The following IFT122 variants were observed in gnomAD, a reference collection of about 807,000 sequenced individuals.
The protein encoded by IFT122 is intraflagellar transport 122, also known as intraflagellar transport protein 122 homolog.
In IFT122, 118 loss-of-function variants were observed where a neutral mutation model predicts 161.6. The ratio of observed to expected loss-of-function variants is 0.73; its 90% CI spans 0.63 to 0.85. The LOEUF (loss-of-function observed/expected upper bound fraction) is 0.85. Among genes scored for constraint, IFT122 ranks in the 40% least tolerant of loss-of-function variants. IFT122 has a pLI of 0.00. For synonymous variants in IFT122, 550 were observed against 602.4 expected (o/e 0.91, Z 1.27); for missense variants, 1,381 against 1,579.6 (o/e 0.87, Z 2.13).
intron 27 of IFT122, 89 bp from the exon 28 acceptor site, chr3:129,519,018 C>T: frequency 1.8e-6 from 2 of 1,127,664 alleles, no homozygotes; most frequent in Non-Finnish European, 2.7e-6. Flanking sequence ...GTCTGGCTGC[C>T]CTTGAGTCTT....
chr3:129,519,003 C>T, intron 27 of IFT122, 104 bp from the exon 28 acceptor site: 3 of 972,078 alleles, frequency 3.1e-6, no homozygotes, highest in Non-Finnish European at 5.0e-6. Flanking sequence ...AAAACTCTTC[C>T]ACTGGTCTGG....
intron 16 of IFT122, among the ~76,000 whole-genome samples, chr3:129,489,230 A>G (rs2079724396): frequency 6.6e-6 from 1 of 152,158 alleles, no homozygotes. Flanking sequence ...AGGCATGAAG[A>G]GAGGAGACTG....
chr3:129,512,589 G>A (rs2082965483), intron 24 of IFT122, 177 bp downstream of exon 24: 4 of 652,158 alleles, frequency 6.1e-6, no homozygotes, highest in Non-Finnish European at 5.5e-6. Flanking sequence ...GGAGGCCCAG[G>A]GGCCCAGGCC....
rs1223583414 is a variant in IFT122 at position 129,516,223 on chromosome 3, ACACACACAGACTGCCCCTGCGTG to A, written c.3265+643_3265+665del. 9.0e-4 allele frequency among the ~76,000 whole-genome samples: 108 copies of A among 119,704 alleles called. 4 individuals carry two copies. In the East Asian group the frequency reaches 0.025, roughly 28 times the overall value. The allele number at this position is 119,704 out of a possible 152,430, so 78.5% of individuals were successfully genotyped here. ...ACACACACGGAGACTGCCTCTGCACACACACACAGACTGCCCCTGCGTGCACACACAGACTGCCCCTACACACA... is the reference window on the plus strand; with the variant it reads ...ACACACACGGAGACTGCCTCTGCACACACACACAGACTGCCCCTACACACA... On this transcript the variant is annotated intron_variant, in intron 26 of 29. Transcript: ENST00000348417.
At chr3:129,511,266 C>T (rs2082790225) in intron 23 of IFT122, among the ~76,000 whole-genome samples, 1 of 152,212 alleles carries the variant, frequency 6.6e-6, no homozygotes, top group African/African-American at 2.4e-5. Context: ...TCATCTTGTT[C>T]TTACCCTGGA....
At chr3:129,451,881 A>C (rs1397949270) in intron 2 of IFT122, 33 bp from the exon 3 acceptor site, 6 of 1,550,928 alleles carry the variant, frequency 3.9e-6, no homozygotes, top group Middle Eastern at 1.7e-4. Flanking sequence ...AATAGATATC[A>C]CATAGATAAT....
chr3:129,499,772 C>T (rs367619284), intron 18 of IFT122, 130 bp from the exon 19 acceptor site: 358 of 1,061,306 alleles, frequency 3.4e-4, no homozygotes, highest in Middle Eastern at 1.2e-3. Context: ...CCCTCAGGGC[C>T]GGGCCCTGCC....
chr3:129,519,413 G>A (rs1045551372), intron 28 of IFT122, among the ~76,000 whole-genome samples, 155 bp from the exon 29 acceptor site: 1 of 152,222 alleles, frequency 6.6e-6, no homozygotes, highest in East Asian at 1.9e-4. Flanking sequence ...GGCAGCTTCA[G>A]CTCTGGTGGG....
At chr3:129,516,728 A>ACACG (rs2083802150) in intron 26 of IFT122, among the ~76,000 whole-genome samples, 1 of 82,250 alleles carries the variant, frequency 1.2e-5, no homozygotes, top group African/African-American at 6.1e-5. Context: ...ACACACACAG[A>ACACG]GAGACTGCCC....
intron 18 of IFT122, among the ~76,000 whole-genome samples, chr3:129,496,604 G>A (rs1039787581): frequency 3.3e-5 from 5 of 152,044 alleles, no homozygotes; most frequent in Non-Finnish European, 7.4e-5. Flanking sequence ...CCACCTGTTC[G>A]ACCCTGGGGC....
At chr3:129,506,640 C>T in intron 22 of IFT122, 91 bp downstream of exon 22, 1 of 1,558,618 alleles carries the variant, frequency 6.4e-7, no homozygotes, top group African/African-American at 1.4e-5. Context: ...TTAATTAAAG[C>T]CCTGGGCTTG....
chr3:129,479,621 A>G (rs1482645974), intron 12 of IFT122, among the ~76,000 whole-genome samples, 164 bp from the exon 13 acceptor site: 3 of 152,060 alleles, frequency 2.0e-5, no homozygotes, highest in Non-Finnish European at 4.4e-5. Context: ...CCTTGCATGG[A>G]GTCTTGGATT....
intron 11 of IFT122, 129 bp downstream of exon 11, chr3:129,476,930 T>A (rs2078014323): frequency 9.2e-7 from 1 of 1,083,604 alleles, no homozygotes; most frequent in African/African-American, 1.6e-5. Context: ...AGCCACTGGG[T>A]CTGTGTCTTG....
intron 23 of IFT122, among the ~76,000 whole-genome samples, chr3:129,508,690 C>T (rs746907219): frequency 1.3e-5 from 2 of 152,166 alleles, no homozygotes; most frequent in Non-Finnish European, 2.9e-5. Flanking sequence ...TGGGATTTGA[C>T]GAACTCTTGG....
intron 9 of IFT122, among the ~76,000 whole-genome samples, chr3:129,473,585 A>G (rs9864409): frequency 0.014 from 2,103 of 152,336 alleles, 41 homozygotes; most frequent in African/African-American, 0.045. Context: ...ATCTCTGTGC[A>G]GTTCTTTAGC....
chr3:129,503,776 A>G (rs909954119), intron 20 of IFT122, among the ~76,000 whole-genome samples: 2 of 152,120 alleles, frequency 1.3e-5, no homozygotes, highest in Non-Finnish European at 2.9e-5. Context: ...CATAGATTAG[A>G]GCATCTTAGA....
In IFT122 at chr3:129,478,285, G is replaced by A. The variant is rs182347099; in HGVS notation, c.1350+67G>A. On this transcript the variant is annotated intron_variant, in intron 12 of 29. Coordinates refer to ENST00000348417, the MANE Select transcript of IFT122 (RefSeq NM_052989.3). ...TGTGCTCCCCCCCCAGTGATAGGGTGCCCACCTCATGGTTTTAAAACTGGT... is the reference window on the plus strand; with the variant it reads ...TGTGCTCCCCCCCCAGTGATAGGGTACCCACCTCATGGTTTTAAAACTGGT... 3.2e-4 allele frequency: 436 copies of A among 1,366,296 alleles called. 2 individuals carry two copies. Among genetic ancestry groups the A allele is most frequent in the South Asian group, 3.0e-3 (255 of 84,336 alleles). The allele number at this position is 1,366,296 out of a possible 1,614,324, so 84.6% of individuals were successfully genotyped here.
intron 9 of IFT122, among the ~76,000 whole-genome samples, chr3:129,472,739 A>G (rs2077495264): frequency 6.6e-6 from 1 of 152,054 alleles, no homozygotes; most frequent in Non-Finnish European, 1.5e-5. Context: ...CTGTTCTCCA[A>G]GTCATCGAGG....
In IFT122 at chr3:129,504,348, G is replaced by A. The variant is rs201077232; in HGVS notation, c.2577G>A (p.Glu859=). The change falls in exon 21 of 30, where the codon GAG becomes GAA. Residue 859 remains glutamate, a synonymous_variant. Transcript: ENST00000348417. ...EAFALGEKHP[E]FKDDIYMPYA... ...TTGCTTTGGGTGAGAAGCATCCTGA[G>A]TTTAAGGATGACATCTACATGCCGT... is the stretch of plus-strand genomic sequence containing the variant. 396 of 1,613,948 alleles carry A rather than the reference G, an allele frequency of 2.5e-4. No individual in the cohort carries two copies. Among genetic ancestry groups the A allele is most frequent in the Non-Finnish European group, 3.1e-4 (369 of 1,179,978 alleles).
Sources: allele counts gnomAD v4.1 joint callset (sites outside exome capture counted in the v4.1 genomes callset), GRCh38; gene constraint gnomAD v4.1.1; transcripts MANE v1.5; gene names NCBI Gene and HGNC (gene_info 2026-07-23, HGNC 2026-07-21).